The following MARCHF10 variants were observed in gnomAD, a reference collection of about 807,000 sequenced individuals.
MARCHF10 encodes probable E3 ubiquitin-protein ligase MARCHF10.
Under a neutral mutation model 76.2 loss-of-function variants are expected in MARCHF10, and 64 were observed. The ratio of observed to expected loss-of-function variants is 0.84; its 90% CI spans 0.69 to 1.03. The LOEUF is 1.03. MARCHF10 is among the 50% of genes least tolerant of loss of function. The pLI, the probability that MARCHF10 is intolerant of heterozygous loss-of-function variation, is 0.00. For missense variants in MARCHF10, 875 were observed against 958.0 expected, an observed-to-expected ratio of 0.91 and a Z score of 1.14; for synonymous variants, 340 against 357.5, an observed-to-expected ratio of 0.95 and a Z score of 0.55.
chr17:62,782,583 T>C lies in MARCHF10; in HGVS notation c.210+5897A>G, dbSNP rs547269771. Among the ~76,000 whole-genome samples, 8 of 152,094 alleles carry C rather than the reference T, an allele frequency of 5.3e-5. No homozygotes were observed. In the East Asian group the frequency reaches 1.6e-3, roughly 29 times the overall value. On this transcript the variant is annotated intron_variant, in intron 3 of 10. Coordinates refer to ENST00000311269, the MANE Select transcript of MARCHF10 (RefSeq NM_152598.4). ...GGCTGGTCTTGAATTCCTGACCTTG[T>C]GATCGCCGGCCTTGGACTCCCAAAG...
chr17:62,765,643 T>C (rs541984660), intron 3 of MARCHF10, among the ~76,000 whole-genome samples: 3 of 152,302 alleles, frequency 2.0e-5, no homozygotes, highest in South Asian at 4.1e-4. Flanking sequence ...CAGCCCACTA[T>C]GGAACGGCCA....
chr17:62,786,762 G>A (rs1162637757), intron 3 of MARCHF10, among the ~76,000 whole-genome samples: 1 of 152,144 alleles, frequency 6.6e-6, no homozygotes, highest in Non-Finnish European at 1.5e-5. Context: ...ATAAGCTTAA[G>A]TGTGAAAAGG....
intron 3 of MARCHF10, among the ~76,000 whole-genome samples, chr17:62,775,372 C>T (rs1261423883): frequency 6.6e-6 from 1 of 152,046 alleles, no homozygotes; most frequent in East Asian, 1.9e-4. Flanking sequence ...GTGATCAGCC[C>T]ACCTGGGCCT....
chr17:62,751,837 A>G (rs1274782441), intron 4 of MARCHF10, among the ~76,000 whole-genome samples: 2 of 152,172 alleles, frequency 1.3e-5, no homozygotes, highest in Non-Finnish European at 2.9e-5. Flanking sequence ...CCTGGCCAAC[A>G]GGGAGAAACC....
chr17:62,744,777 GC>G (rs1360270416), intron 4 of MARCHF10, among the ~76,000 whole-genome samples: 3 of 152,042 alleles, frequency 2.0e-5, no homozygotes, highest in African/African-American at 7.2e-5. Flanking sequence ...AAATAATCAT[GC>G]CTCCTTCATA....
intron 8 of MARCHF10, among the ~76,000 whole-genome samples, chr17:62,714,858 G>A (rs893140772): frequency 4.6e-5 from 7 of 152,012 alleles, no homozygotes; most frequent in Non-Finnish European, 8.8e-5. Context: ...TGATTCTCCT[G>A]CCTCAGCCTC....
Position 62,711,239 on chromosome 17 carries a change from T to C in MARCHF10, c.2320A>G (p.Arg774Gly). ...GTCACAGCCAGACTTACCCTCTCTC[T>C]TTCCACCTGGTTGTGGTTGAGCCTC... ...LMRLNHNQVE[R>G]ERLSRNYPQP... Residue 774 changes from arginine (R) to glycine (G), a missense_variant, in exon 9 of 11, where the codon AGA becomes GGA. Physicochemically the swap from Arg to Gly is moderately radical, Grantham distance 125. Coordinates refer to ENST00000311269, the MANE Select transcript of MARCHF10 (RefSeq NM_152598.4). This position sits in a 1 kb window ranked among gnomAD's most constrained non-coding sequence, Gnocchi z 4.4. 6.2e-7 allele frequency: 1 copy of C among 1,613,916 alleles called. No individual in the cohort carries two copies. The highest frequency in any genetic ancestry group is 2.2e-5 in the East Asian group (1 of 44,886).
rs1033623046 is a variant in MARCHF10 at position 62,712,609 on chromosome 17, C to A, written c.2215-1265G>T. On this transcript the variant is annotated intron_variant, in intron 8 of 10. Transcript: ENST00000311269. This position sits in a 1 kb window ranked among gnomAD's most constrained non-coding sequence, Gnocchi z 4.2. Reference sequence around the variant, plus strand: ...CAGGCCTCTCCACCATTCTACAGATCCATCTTCGAAGGCCCCAGTCCTCTG... The same window carrying A: ...CAGGCCTCTCCACCATTCTACAGATACATCTTCGAAGGCCCCAGTCCTCTG... 3.9e-5 allele frequency among the ~76,000 whole-genome samples: 6 copies of A among 152,172 alleles called. No individual in the cohort carries two copies. The highest frequency in any genetic ancestry group is 5.9e-5 in the Non-Finnish European group (4 of 68,032).
At chr17:62,713,201 C>G (rs1599053956) in intron 8 of MARCHF10, among the ~76,000 whole-genome samples, 1 of 152,190 alleles carries the variant, frequency 6.6e-6, no homozygotes, top group African/African-American at 2.4e-5. Flanking sequence ...TACCTCATCC[C>G]CGGCTTCCTC....
Position 62,736,117 on chromosome 17 carries a change from T to C in MARCHF10, c.1751A>G (p.Asn584Ser). 1 of 1,613,390 alleles carries C rather than the reference T, an allele frequency of 6.2e-7. No individual in the cohort carries two copies. Among genetic ancestry groups the C allele is most frequent in the South Asian group, 1.1e-5 (1 of 91,080 alleles). Residue 584 changes from asparagine to serine, a missense_variant, in exon 6 of 11, where the codon AAC becomes AGC. Transcript: ENST00000311269. The stretch of plus-strand genomic sequence containing the variant: ...AGACACATGCAAATGGCCTTCTGAG[T>C]TCATTCTTGATGGAGAGGAGCTGGA... ...DSSSSSPSRM[N>S]SEGHLHVSGS...
chr17:62,791,941 A>C (rs1261707591), intron 2 of MARCHF10, among the ~76,000 whole-genome samples: 1 of 152,142 alleles, frequency 6.6e-6, no homozygotes, highest in Non-Finnish European at 1.5e-5. Context: ...CCCTTACCCT[A>C]GACTTTAAGA....
chr17:62,714,720 T>C (rs973555096), intron 8 of MARCHF10, among the ~76,000 whole-genome samples: 1 of 152,168 alleles, frequency 6.6e-6, no homozygotes, highest in South Asian at 2.1e-4. Context: ...CAAACACAGT[T>C]GCCAGGCAGT....
chr17:62,711,277 A>C lies in MARCHF10; in HGVS notation c.2282T>G (p.Phe761Cys), dbSNP rs562411069. 1 of 1,613,946 alleles carries C rather than the reference A, an allele frequency of 6.2e-7. No homozygotes were observed. The highest frequency in any genetic ancestry group is 1.3e-5 in the African/African-American group (1 of 74,916). ...VLLLHLYEQR[F>C]AELMRLNHNQ... ...GTGGTTGAGCCTCATGAGTTCTGCAAACCTCTGCTCATAGAGGTGAAGCAG... is the reference window on the plus strand; with the variant it reads ...GTGGTTGAGCCTCATGAGTTCTGCACACCTCTGCTCATAGAGGTGAAGCAG... The change falls in exon 9 of 11, where the codon TTT (phenylalanine) becomes TGT (cysteine). Residue 761 changes from phenylalanine to cysteine, a missense_variant. Transcript: ENST00000311269. The surrounding 1 kb of genome is among the most constrained non-coding windows in gnomAD (Gnocchi z 4.4).
At chr17:62,701,864 G>A in intron 10 of MARCHF10, 106 bp from the exon 11 acceptor site, 2 of 1,462,614 alleles carry the variant, frequency 1.4e-6, no homozygotes, top group Non-Finnish European at 1.9e-6. Context: ...CATCCCTGAG[G>A]CCCAGCCACC....
At chr17:62,714,385 T>C in intron 8 of MARCHF10, 3 of 985,210 alleles carry the variant, frequency 3.0e-6, no homozygotes, top group African/African-American at 1.7e-5. Flanking sequence ...CCTCAAAGCA[T>C]GATAGTAAAG....
chr17:62,727,915 C>T (rs756705807), intron 6 of MARCHF10, among the ~76,000 whole-genome samples: 31 of 152,330 alleles, frequency 2.0e-4, no homozygotes, highest in African/African-American at 5.1e-4. Flanking sequence ...TGCTTCAGCA[C>T]GAGGGGACCA....
chr17:62,739,678 G>GC (rs1216213761), intron 5 of MARCHF10, among the ~76,000 whole-genome samples: 1 of 152,146 alleles, frequency 6.6e-6, no homozygotes, highest in Non-Finnish European at 1.5e-5. Context: ...ACCGTGCCCG[G>GC]CCGGCTGATG....
rs932196851 is a variant in MARCHF10 at position 62,701,436 on chromosome 17, G to T, written c.*267C>A. 15 of 699,186 alleles carry T rather than the reference G, an allele frequency of 2.1e-5. No individual in the cohort carries two copies. The highest frequency in any genetic ancestry group is 3.2e-5 in the Admixed American group (1 of 31,678). 43.3% of individuals were successfully genotyped at this position (699,186 alleles called of 1,614,324 possible). A position where few individuals can be genotyped will look rare whatever the true frequency, so the allele number is the denominator to read the frequency against. On this transcript the variant is annotated 3_prime_UTR_variant, in exon 11 of 11. Transcript: ENST00000311269. Reference sequence around the variant, plus strand: ...CCACTGGACCTGGCAGGGCTTCTGGGCTAAGGGGGCAGCACCAGGCCAGCC... The same window carrying T: ...CCACTGGACCTGGCAGGGCTTCTGGTCTAAGGGGGCAGCACCAGGCCAGCC...
In MARCHF10 at chr17:62,712,952, C is replaced by T. The variant is rs773953367; in HGVS notation, c.2215-1608G>A. Among the ~76,000 whole-genome samples the T allele has an allele frequency of 8.5e-5, 13 of 152,120 alleles. No homozygotes were observed. The highest frequency in any genetic ancestry group is 2.6e-4 in the Admixed American group (4 of 15,266). On this transcript the variant is annotated intron_variant, in intron 8 of 10. Coordinates refer to ENST00000311269, the MANE Select transcript of MARCHF10 (RefSeq NM_152598.4). The surrounding 1 kb of genome is among the most constrained non-coding windows in gnomAD (Gnocchi z 4.2). ...TAGAGATGGGGTTTCATCATGTTGG[C>T]CAGGCTGGTCTCGAACTCCTGGCCT...
Sources: gnomAD v4.1 joint callset for allele counts (sites outside exome capture counted in the v4.1 genomes callset) on GRCh38, gnomAD v4.1.1 for gene constraint, Gnocchi (gnomAD v3.1) non-coding constraint, MANE v1.5 for transcripts, NCBI Gene and HGNC (gene_info 2026-07-23, HGNC 2026-07-21) for gene names.